DYNC2I1: variants seen among roughly 807,000 people sequenced by gnomAD.
The protein encoded by DYNC2I1 is cytoplasmic dynein 2 intermediate chain 1.
DYNC2I1 carries 89 observed loss-of-function variants against 133.4 expected under a neutral mutation model. That is an observed-to-expected ratio of 0.67 (90% CI 0.56 to 0.80). DYNC2I1 has a LOEUF of 0.80. Among genes scored for constraint, DYNC2I1 ranks in the 30% least tolerant of loss-of-function variants. The probability of loss-of-function intolerance (pLI) is 0.00; values close to 1 mark genes in which losing one functional copy is unlikely to be tolerated. For missense variants in DYNC2I1, 1,291 were observed against 1,314.5 expected, an observed-to-expected ratio of 0.98 and a Z score of 0.28; for synonymous variants, 504 against 484.3, an observed-to-expected ratio of 1.04 and a Z score of -0.54.
chr7:158,945,520 A>G lies in DYNC2I1; in HGVS notation c.3003-61A>G. The G allele has an allele frequency of 6.6e-7, 1 of 1,509,164 alleles. No homozygotes were observed. Among genetic ancestry groups the G allele is most frequent in the Non-Finnish European group, 8.9e-7 (1 of 1,121,086 alleles). The allele number at this position is 1,509,164 out of a possible 1,614,324, so 93.5% of individuals were successfully genotyped here. ...TGGAAGGTAGACATTTTGAAGACTC[A>G]GACAGAACCGAATGTCCCTTTGTGT... On this transcript the variant is annotated intron_variant, in intron 24 of 24. Transcript: ENST00000407559. The surrounding 1 kb of genome is among the most constrained non-coding windows in gnomAD (Gnocchi z 4.1).
At chr7:158,862,310 C>T (rs746790607) in intron 1 of DYNC2I1, among the ~76,000 whole-genome samples, 1 of 151,998 alleles carries the variant, frequency 6.6e-6, no homozygotes, top group African/African-American at 2.4e-5. Flanking sequence ...AATCAGGGGA[C>T]GATTACAAAA....
chr7:158,954,271 G>A (rs1585279789), intron 4 of DYNC2I1, among the ~76,000 whole-genome samples: 2 of 152,272 alleles, frequency 1.3e-5, no homozygotes, highest in African/African-American at 4.8e-5. Flanking sequence ...GTCTTTATAA[G>A]CAGTGTGTGA....
chr7:158,934,098 A>G (rs1328108702), intron 21 of DYNC2I1, 31 bp from the exon 22 acceptor site: 9 of 1,357,820 alleles, frequency 6.6e-6, no homozygotes, highest in Middle Eastern at 1.9e-4. Context: ...GAAACAGTCC[A>G]TCTGTTCATT....
At chr7:158,913,831 C>T (rs1847735508) in intron 13 of DYNC2I1, among the ~76,000 whole-genome samples, 1 of 152,162 alleles carries the variant, frequency 6.6e-6, no homozygotes, top group Non-Finnish European at 1.5e-5. Context: ...GCCTCAGCCT[C>T]CCGAGTAGCT....
downstream of DYNC2I1, among the ~76,000 whole-genome samples, chr7:158,947,486 C>T (rs1246163334): frequency 6.6e-6 from 1 of 152,236 alleles, no homozygotes; most frequent in Admixed American, 6.5e-5. Context: ...CTGCAGTTCA[C>T]AGTTCGTTCT....
At chr7:158,890,633 T>C (rs984732281) in intron 7 of DYNC2I1, among the ~76,000 whole-genome samples, 1 of 152,050 alleles carries the variant, frequency 6.6e-6, no homozygotes, top group Non-Finnish European at 1.5e-5. Flanking sequence ...GTTTCGCTCT[T>C]GTCGCACAGG....
rs1423030341 is a variant in DYNC2I1 at position 158,902,397 on chromosome 7, G to T, written c.1159G>T (p.Val387Phe). 4.3e-6 allele frequency: 7 copies of T among 1,613,194 alleles called. No homozygotes were observed. The highest frequency in any genetic ancestry group is 5.9e-6 in the Non-Finnish European group (7 of 1,179,858). ...DFEDYEDDFE[V>F]CDGDDDESSN... ...GCAGGACTATGAAGATGACTTTGAG[G>T]TTTGTGATGGTGATGATGATGAAAG... The change falls in exon 10 of 25, where the codon GTT becomes TTT. Residue 387 changes from valine to phenylalanine, a missense_variant. Transcript: ENST00000407559.
At chr7:158,913,527 T>C (rs557924639) in intron 13 of DYNC2I1, among the ~76,000 whole-genome samples, 1 of 152,296 alleles carries the variant, frequency 6.6e-6, no homozygotes, top group African/African-American at 2.4e-5. Flanking sequence ...GTCCCTAGAA[T>C]ATATGGTTTC....
chr7:158,955,365 G>A (rs1316355788), intron 4 of DYNC2I1, among the ~76,000 whole-genome samples: 1 of 152,200 alleles, frequency 6.6e-6, no homozygotes, highest in Non-Finnish European at 1.5e-5. Context: ...GCCCTGAACC[G>A]AGGCTTCAGT....
chr7:158,931,354 T>C (rs1850196606), intron 21 of DYNC2I1, among the ~76,000 whole-genome samples: 1 of 152,212 alleles, frequency 6.6e-6, no homozygotes, highest in Admixed American at 6.5e-5. Flanking sequence ...GTGGGTTGTG[T>C]TAATGAATTC....
chr7:158,874,725 T>A (rs951899381), intron 3 of DYNC2I1, among the ~76,000 whole-genome samples: 6 of 152,216 alleles, frequency 3.9e-5, no homozygotes, highest in African/African-American at 1.2e-4. Context: ...TCTCATGGTT[T>A]TAAATACTGT....
the DYNC2I1 span, among the ~76,000 whole-genome samples, chr7:158,841,575 G>GA: frequency 6.6e-6 from 1 of 152,072 alleles, no homozygotes; most frequent in Non-Finnish European, 1.5e-5. Context: ...GGTATCAAAT[G>GA]AACTCTGTAT....
At position 158,922,480 on chromosome 7, in the gene DYNC2I1, A is replaced by G; in HGVS notation, c.2025A>G (p.Lys675=). Residue 675 remains lysine, a synonymous_variant, in exon 16 of 25, where the codon AAA becomes AAG. Transcript: ENST00000407559. Reference sequence around the variant, plus strand: ...GCTTTGTGCCCCTGCTGGACAGCAAATACGTCCTCTGTGTGTGGGATATTT... The same window carrying G: ...GCTTTGTGCCCCTGCTGGACAGCAAGTACGTCCTCTGTGTGTGGGATATTT... ...EKSFVPLLDS[K]YVLCVWDIWQ... is the part of the protein sequence containing the mutation. The G allele has an allele frequency of 6.2e-7, 1 of 1,613,914 alleles. No homozygotes were observed. The highest frequency in any genetic ancestry group is 8.5e-7 in the Non-Finnish European group (1 of 1,179,882).
intron 23 of DYNC2I1, among the ~76,000 whole-genome samples, chr7:158,936,483 C>T (rs1028143010): frequency 3.9e-5 from 6 of 152,212 alleles, no homozygotes; most frequent in African/African-American, 1.4e-4. Flanking sequence ...CTCCCCTTAA[C>T]TCATGGTTTG....
At chr7:158,936,196 A>C (rs1032887331) in intron 23 of DYNC2I1, among the ~76,000 whole-genome samples, 1 of 152,186 alleles carries the variant, frequency 6.6e-6, no homozygotes, top group African/African-American at 2.4e-5. Context: ...GTCTCAAAAC[A>C]AAAACAAAAA....
At chr7:158,950,366 A>G (rs1852019836), downstream of DYNC2I1, among the ~76,000 whole-genome samples, 1 of 152,234 alleles carries the variant, frequency 6.6e-6, no homozygotes, top group Non-Finnish European at 1.5e-5. Flanking sequence ...TGCCTGGCCT[A>G]AGATTCCAGG....
At chr7:158,882,831 G>A (rs1329235577) in intron 5 of DYNC2I1, among the ~76,000 whole-genome samples, 1 of 150,174 alleles carries the variant, frequency 6.7e-6, no homozygotes, top group East Asian at 2.0e-4. Flanking sequence ...AACTGAGATC[G>A]TGCCACTGCA....
intron 4 of DYNC2I1, among the ~76,000 whole-genome samples, chr7:158,952,162 C>T (rs987114573): frequency 1.7e-4 from 26 of 152,266 alleles, no homozygotes; most frequent in Admixed American, 2.0e-4. Flanking sequence ...GAGGAGGGCG[C>T]GGTAAACACG....
chr7:158,947,096 A>C (rs62476521), downstream of DYNC2I1, among the ~76,000 whole-genome samples: 3,342 of 152,344 alleles, frequency 0.022, 59 homozygotes, highest in Admixed American at 0.053. Context: ...CTGCTGTGTC[A>C]GTAGAGTCTT....
Sources: allele counts gnomAD v4.1 joint callset (sites outside exome capture counted in the v4.1 genomes callset), GRCh38; gene constraint gnomAD v4.1.1; non-coding constraint Gnocchi (gnomAD v3.1); transcripts MANE v1.5; gene names NCBI Gene and HGNC (gene_info 2026-07-23, HGNC 2026-07-21).